NDUFV1: variants seen among roughly 807,000 people sequenced by gnomAD.
The protein encoded by NDUFV1 is NADH:ubiquinone oxidoreductase core subunit V1.
Under a neutral mutation model 48.7 loss-of-function variants are expected in NDUFV1, and 41 were observed. That is an observed-to-expected ratio of 0.84 (90% CI 0.66 to 1.09). The LOEUF (loss-of-function observed/expected upper bound fraction) is 1.09, where lower values mean the gene tolerates loss of function less well. NDUFV1 is among the 50% of genes least tolerant of loss of function. The pLI, the probability that NDUFV1 is intolerant of heterozygous loss-of-function variation, is 0.00. For synonymous variants in NDUFV1, 231 were observed against 259.1 expected, an observed-to-expected ratio of 0.89 and a Z score of 1.04; for missense variants, 580 against 645.4, an observed-to-expected ratio of 0.90 and a Z score of 1.10.
chr11:67,611,827 G>A lies in NDUFV1; in HGVS notation c.1081-70G>A. The A allele has an allele frequency of 6.4e-7, 1 of 1,574,322 alleles. No individual in the cohort carries two copies. Among genetic ancestry groups the A allele is most frequent in the East Asian group, 2.2e-5 (1 of 44,608 alleles). On this transcript the variant is annotated intron_variant, in intron 7 of 9. Transcript: ENST00000322776. The surrounding 1 kb of genome is among the most constrained non-coding windows in gnomAD (Gnocchi z 4.2). ...AGCTTCTGGAACTGGGGGAGGGGCT[G>A]CTGCTAGGGGGCTGAGGCCCAGGCT...
Position 67,608,640 on chromosome 11 carries a change from A to G in NDUFV1, c.244A>G (p.Thr82Ala), listed in dbSNP as rs976338732. 6.2e-7 allele frequency: 1 copy of G among 1,614,024 alleles called. No homozygotes were observed. ...GPDWILGEIKTSGLRGRGGAG... is the reference protein window; with the variant it reads ...GPDWILGEIKASGLRGRGGAG... ...CGACTGGATCCTGGGCGAGATCAAG[A>G]CATCGGGTTTGAGGGGCCGTGGAGG... Residue 82 changes from threonine to alanine, a missense_variant, in exon 3 of 10, where the codon ACA (threonine) becomes GCA (alanine). By Grantham distance (58) the Thr-to-Ala change is moderately conservative. Coordinates refer to ENST00000322776, the MANE Select transcript of NDUFV1 (RefSeq NM_007103.4).
At chr11:67,609,772 A>G in intron 4 of NDUFV1, 137 bp downstream of exon 4, 1 of 987,908 alleles carries the variant, frequency 1.0e-6, no homozygotes. Flanking sequence ...CCAGTCCTGC[A>G]TGCATCCCAA....
Position 67,612,047 on chromosome 11 carries a change from T to G in NDUFV1, c.1162+69T>G. On this transcript the variant is annotated intron_variant, in intron 8 of 9. Transcript: ENST00000322776. The surrounding 1 kb of genome is among the most constrained non-coding windows in gnomAD (Gnocchi z 4.4). ...TTAACCTCCTCCCCACCACGTGGCCTGCAGCCCTCAAGCGCCGCCCCACAT... is the reference window on the plus strand; with the variant it reads ...TTAACCTCCTCCCCACCACGTGGCCGGCAGCCCTCAAGCGCCGCCCCACAT... 1 of 1,613,428 alleles carries G rather than the reference T, an allele frequency of 6.2e-7. No homozygotes were observed. The highest frequency in any genetic ancestry group is 1.3e-5 in the African/African-American group (1 of 74,942).
At chr11:67,609,425 G>A in intron 3 of NDUFV1, 27 bp from the exon 4 acceptor site, 1 of 1,612,272 alleles carries the variant, frequency 6.2e-7, no homozygotes, top group Non-Finnish European at 8.5e-7. Context: ...TGGCCCTGTA[G>A]CCTGTCTGAC....
chr11:67,608,520 G>T, intron 2 of NDUFV1, 32 bp from the exon 3 acceptor site: 1 of 1,614,208 alleles, frequency 6.2e-7, no homozygotes, highest in Non-Finnish European at 8.5e-7. Flanking sequence ...GGAGCAAGGT[G>T]TCCCCTTCAT....
At position 67,607,387 on chromosome 11, in the gene NDUFV1, C is replaced by G. The variant is rs548889138; in HGVS notation, c.72+311C>G. On this transcript the variant is annotated intron_variant, in intron 1 of 9. Coordinates refer to ENST00000322776, the MANE Select transcript of NDUFV1 (RefSeq NM_007103.4). ...ACAGCCTTGTAGGGCGTGAAGGGGT[C>G]ATTGCCCCATTTAGGGATGCGCACC... The G allele has an allele frequency of 2.6e-4, 148 of 572,972 alleles. No individual in the cohort carries two copies. In the African/African-American group the frequency reaches 2.6e-3, roughly 10 times the overall value. 35.5% of individuals were successfully genotyped at this position (572,972 alleles called of 1,614,324 possible).
rs780534525 is a variant in NDUFV1, at chr11:67,612,192, T to C, written c.1235T>C (p.Leu412Pro). The C allele has an allele frequency of 1.2e-6, 2 of 1,613,546 alleles. No individual in the cohort carries two copies. Among genetic ancestry groups the C allele is most frequent in the South Asian group, 2.2e-5 (2 of 91,062 alleles). ...GDARPAEIDS[L>P]WEISKQIEGH... The stretch of plus-strand genomic sequence containing the variant: ...GCCCGGCCGGCCGAGATCGACTCCC[T>C]GTGGGAGATCAGCAAGCAGATAGAA... Residue 412 changes from leucine to proline, a missense_variant, in exon 9 of 10, where the codon CTG (leucine) becomes CCG (proline). Leu to Pro is a moderately conservative substitution (Grantham distance 98). Coordinates refer to ENST00000322776, the MANE Select transcript of NDUFV1 (RefSeq NM_007103.4). The surrounding 1 kb of genome is among the most constrained non-coding windows in gnomAD (Gnocchi z 4.4).
chr11:67,610,815 G>T (rs1207623158), intron 5 of NDUFV1, 180 bp from the exon 6 acceptor site: 4 of 773,816 alleles, frequency 5.2e-6, no homozygotes, highest in African/African-American at 1.7e-5. Context: ...GAGGCTAAGG[G>T]CATGGGGTGA....
chr11:67,607,675 C>T (rs1854836137), intron 1 of NDUFV1: 4 of 353,828 alleles, frequency 1.1e-5, no homozygotes, highest in African/African-American at 2.1e-5. Context: ...GGAGCCAGGC[C>T]GGGAAAGGGC....
At chr11:67,607,133 C>G in intron 1 of NDUFV1, 57 bp downstream of exon 1, 1 of 1,544,062 alleles carries the variant, frequency 6.5e-7, no homozygotes, top group Middle Eastern at 1.8e-4. Context: ...CGCGGCCGCG[C>G]CCGTGCACGA....
In NDUFV1 at chr11:67,608,722, GGT is replaced by G. The variant is rs778508675; in HGVS notation, c.326+10_326+11del. On this transcript the variant is annotated splice_donor_variant, in intron 3 of 9. Transcript: ENST00000322776. LOFTEE classifies it high-confidence loss of function. ...TTCATGAATAAGCCCTCAGATGGCA[GGT>G]GTGTGTGTGGGGGCGGGGCAGATGT... is the stretch of plus-strand genomic sequence containing the variant. 10 of 1,613,748 alleles carry G rather than the reference GGT, an allele frequency of 6.2e-6. No homozygotes were observed. Among genetic ancestry groups the G allele is most frequent in the African/African-American group, 1.3e-5 (1 of 75,024 alleles).
intron 1 of NDUFV1, chr11:67,607,287 C>G (rs1310800181): frequency 1.4e-6 from 1 of 707,280 alleles, no homozygotes; most frequent in Admixed American, 2.0e-5. Context: ...GCTGGCTTCC[C>G]TTGTTTTACA....
intron 5 of NDUFV1, 164 bp downstream of exon 5, chr11:67,610,734 G>A: frequency 1.0e-6 from 1 of 1,000,212 alleles, no homozygotes; most frequent in South Asian, 1.4e-5. Context: ...GCCGCCTGCT[G>A]TCCCTCCTCC....
intron 4 of NDUFV1, 47 bp downstream of exon 4, chr11:67,609,682 C>G: frequency 3.2e-6 from 5 of 1,578,336 alleles, no homozygotes; most frequent in Non-Finnish European, 3.4e-6. Flanking sequence ...TCAGTGTGCA[C>G]TCACACACCC....
Position 67,608,425 on chromosome 11 carries a change from G to A in NDUFV1, c.102G>A (p.Ser34=), listed in dbSNP as rs1353758939. ...CACCCAAGAAAACCTCATTTGGCTC[G>A]CTGAAGGATGAAGACCGGATTTTCA... ...TTAPKKTSFG[S]LKDEDRIFTN... The change falls in exon 2 of 10, where the codon TCG becomes TCA. Residue 34 remains serine (S), a synonymous_variant. Transcript: ENST00000322776. 15 of 1,613,978 alleles carry A rather than the reference G, an allele frequency of 9.3e-6. No homozygotes were observed. In the East Asian group the frequency reaches 1.8e-4, roughly 19 times the overall value.
Position 67,612,527 on chromosome 11 carries a change from C to A in NDUFV1, c.*69C>A. On this transcript the variant is annotated 3_prime_UTR_variant, in exon 10 of 10. Coordinates refer to ENST00000322776, the MANE Select transcript of NDUFV1 (RefSeq NM_007103.4). The surrounding 1 kb of genome is among the most constrained non-coding windows in gnomAD (Gnocchi z 4.4). ...GCTGGACAATAAAGCGAGTGCTGCC[C>A]ACCCTCCAGCTGCCGCTGCTGTGAC... The A allele has an allele frequency of 6.7e-7, 1 of 1,502,622 alleles. No individual in the cohort carries two copies. Among genetic ancestry groups the A allele is most frequent in the East Asian group, 2.4e-5 (1 of 41,324 alleles). The allele number at this position is 1,502,622 out of a possible 1,614,324, so 93.1% of individuals were successfully genotyped here.
At chr11:67,607,435 C>T (rs1284408667) in intron 1 of NDUFV1, 2 of 506,928 alleles carry the variant, frequency 3.9e-6, no homozygotes, top group Non-Finnish European at 7.7e-6. Flanking sequence ...GTCCACTGCT[C>T]TGCGCCCTGA....
At chr11:67,607,166 G>A in intron 1 of NDUFV1, 90 bp downstream of exon 1, 13 of 1,388,620 alleles carry the variant, frequency 9.4e-6, no homozygotes, top group Non-Finnish European at 1.3e-5. Flanking sequence ...GTCTGTAGTG[G>A]CCTCTGGAGA....
rs917386239 is a variant in NDUFV1 at position 67,610,732 on chromosome 11, C to CTG, written c.700+164_700+165dup. 16 of 1,000,884 alleles carry CTG rather than the reference C, an allele frequency of 1.6e-5. No homozygotes were observed. The African/African-American group carries it at 2.4e-4, about 15-fold the overall frequency. The allele number at this position is 1,000,884 out of a possible 1,614,324, so 62.0% of individuals were successfully genotyped here. ...ACACAGGCTCCCCCAGGGCCGCCTG[C>CTG]TGTCCCTCCTCCTGCCTCGGTCCCC... is the stretch of plus-strand genomic sequence containing the variant. On this transcript the variant is annotated intron_variant, in intron 5 of 9. Transcript: ENST00000322776.
Sources: allele counts gnomAD v4.1 joint callset, GRCh38; gene constraint gnomAD v4.1.1; non-coding constraint Gnocchi (gnomAD v3.1); transcripts MANE v1.5; gene names NCBI Gene and HGNC (gene_info 2026-07-23, HGNC 2026-07-21).